Variants in FNBP1L observed in about 807,000 individuals in gnomAD.
The protein encoded by FNBP1L is formin-binding protein 1-like.
In FNBP1L, 36 loss-of-function variants were observed where a neutral mutation model predicts 91.2. The ratio of observed to expected loss-of-function variants is 0.39; its 90% CI spans 0.30 to 0.52. The LOEUF (loss-of-function observed/expected upper bound fraction) is 0.52, where lower values mean the gene tolerates loss of function less well. Among genes scored for constraint, FNBP1L ranks in the 20% least tolerant of loss-of-function variants. The pLI is 0.66. For synonymous variants in FNBP1L, 242 were observed against 237.0 expected, an observed-to-expected ratio of 1.02 and a Z score of -0.19; for missense variants, 571 against 732.1, an observed-to-expected ratio of 0.78 and a Z score of 2.54.
intron 1 of FNBP1L, among the ~76,000 whole-genome samples, chr1:93,479,152 A>C (rs567683672): frequency 6.6e-6 from 1 of 152,354 alleles, no homozygotes; most frequent in East Asian, 1.9e-4. Context: ...GTGACATCAC[A>C]TATCGGTAGG....
chr1:93,536,075 A>G (rs1671838104), intron 9 of FNBP1L, among the ~76,000 whole-genome samples: 1 of 152,100 alleles, frequency 6.6e-6, no homozygotes, highest in Non-Finnish European at 1.5e-5. Context: ...CTTTGACAAT[A>G]TAATTTGTGA....
Position 93,497,153 on chromosome 1 carries a change from G to A in FNBP1L, c.25-2315G>A, listed in dbSNP as rs187522962. Among the ~76,000 whole-genome samples, 293 of 151,986 alleles carry A rather than the reference G, an allele frequency of 1.9e-3. 2 individuals carry two copies. The highest frequency in any genetic ancestry group is 6.8e-3 in the African/African-American group (280 of 41,460). On this transcript the variant is annotated intron_variant, in intron 1 of 16. Transcript: ENST00000271234. Reference sequence around the variant, plus strand: ...TTTTTTTTGTATTTTTAGTACAGACGGGGTTTCACCGTGTTAGCCAGGATG... The same window carrying A: ...TTTTTTTTGTATTTTTAGTACAGACAGGGTTTCACCGTGTTAGCCAGGATG...
intron 12 of FNBP1L, among the ~76,000 whole-genome samples, chr1:93,545,021 C>CT (rs1290290340): frequency 6.6e-6 from 1 of 152,030 alleles, no homozygotes; most frequent in Admixed American, 6.6e-5. Flanking sequence ...GGCACATAAC[C>CT]TTTTTTTATT....
chr1:93,499,024 G>T (rs933302997), intron 1 of FNBP1L, among the ~76,000 whole-genome samples: 8 of 152,274 alleles, frequency 5.3e-5, no homozygotes, highest in East Asian at 1.9e-4. Flanking sequence ...GGCTGTGGGG[G>T]TTCAGAGTTG....
chr1:93,484,272 TAG>T (rs1435115114), intron 1 of FNBP1L, among the ~76,000 whole-genome samples: 3 of 152,166 alleles, frequency 2.0e-5, no homozygotes, highest in Non-Finnish European at 4.4e-5. Context: ...CATCTGTAAA[TAG>T]AGACTGATCT....
intron 1 of FNBP1L, among the ~76,000 whole-genome samples, chr1:93,481,789 AT>A: frequency 6.6e-6 from 1 of 152,316 alleles, no homozygotes; most frequent in East Asian, 1.9e-4. Context: ...TAGATGAGAA[AT>A]TTTTTAAAAA....
intron 1 of FNBP1L, among the ~76,000 whole-genome samples, chr1:93,450,204 A>G (rs1418481293): frequency 6.6e-6 from 1 of 152,206 alleles, no homozygotes; most frequent in African/African-American, 2.4e-5. Context: ...ACCTAAGGAA[A>G]CGATTCCATT....
In FNBP1L at chr1:93,529,681, A is replaced by G; in HGVS notation, c.435A>G (p.Arg145=). Residue 145 remains arginine (R), a synonymous_variant, in exon 6 of 17, where the codon AGA becomes AGG. Transcript: ENST00000271234. ...AAAAGAAGTTTGAAAGAGAATGTAG[A>G]GAGGCAGAAAAGGCACAACAGAGTT... ...NSKKKFEREC[R]EAEKAQQSYE... The G allele has an allele frequency of 6.6e-7, 1 of 1,512,360 alleles. No individual in the cohort carries two copies. Among genetic ancestry groups the G allele is most frequent in the Non-Finnish European group, 8.8e-7 (1 of 1,134,602 alleles). The allele number at this position is 1,512,360 out of a possible 1,614,324, so 93.7% of individuals were successfully genotyped here.
intron 2 of FNBP1L, among the ~76,000 whole-genome samples, chr1:93,507,097 A>ACT (rs1670652388): frequency 9.5e-5 from 8 of 84,172 alleles, no homozygotes; most frequent in Admixed American, 2.4e-4. Flanking sequence ...ACACACACAC[A>ACT]CACACACACA....
At chr1:93,515,586 T>TA (rs1348355890) in intron 2 of FNBP1L, among the ~76,000 whole-genome samples, 1 of 151,946 alleles carries the variant, frequency 6.6e-6, no homozygotes, top group African/African-American at 2.4e-5. Context: ...TATGTAGCCA[T>TA]AAAAAATGAT....
At chr1:93,459,589 G>T (rs552663550) in intron 1 of FNBP1L, among the ~76,000 whole-genome samples, 4 of 152,328 alleles carry the variant, frequency 2.6e-5, no homozygotes, top group African/African-American at 9.6e-5. Context: ...TGGTGAGGAT[G>T]TGAAGAAAAC....
intron 7 of FNBP1L, among the ~76,000 whole-genome samples, chr1:93,532,503 A>G (rs1314148946): frequency 1.4e-5 from 2 of 140,580 alleles, no homozygotes; most frequent in Non-Finnish European, 3.1e-5. Context: ...TCAGTCTTGT[A>G]TATGTTATGG....
intron 3 of FNBP1L, 44 bp from the exon 4 acceptor site, chr1:93,523,300 T>A (rs1185824407): frequency 7.1e-6 from 11 of 1,553,036 alleles, no homozygotes; most frequent in Non-Finnish European, 9.6e-6. Context: ...ACATTTGTAA[T>A]GAAAATAAAA....
chr1:93,464,428 C>T (rs115711614), intron 1 of FNBP1L, among the ~76,000 whole-genome samples: 113 of 152,270 alleles, frequency 7.4e-4, no homozygotes, highest in African/African-American at 2.6e-3. Flanking sequence ...TATCATATGT[C>T]TCTGGAATCC....
In FNBP1L at chr1:93,448,154, T is replaced by C. The variant is rs952479688; in HGVS notation, c.-128T>C. The C allele has an allele frequency of 1.2e-5, 15 of 1,211,402 alleles. No homozygotes were observed. The highest frequency in any genetic ancestry group is 1.6e-5 in the Non-Finnish European group (14 of 878,442). 75.0% of individuals were successfully genotyped at this position (1,211,402 alleles called of 1,614,324 possible). ...TCTCACTCACTGGGGAGCCCGGCGG[T>C]GGCGGCACCTTTCGAGGTAGACCCG... On this transcript the variant is annotated 5_prime_UTR_variant, in exon 1 of 17. Transcript: ENST00000271234.
At chr1:93,473,839 A>G (rs1812668) in intron 1 of FNBP1L, among the ~76,000 whole-genome samples, 72,276 of 152,038 alleles carry the variant, frequency 0.48, 20,654 homozygotes, top group East Asian at 0.62. Context: ...GCTAGTAGTT[A>G]GGCCTTAAGG....
Position 93,530,769 on chromosome 1 carries a change from G to C in FNBP1L, c.525G>C (p.Leu175Phe). ...KADVEKAKQQLNLRTHMADEN... is the reference protein window; with the variant it reads ...KADVEKAKQQFNLRTHMADEN... ...TTTGCCCCTAGGCCAAACAGCAGTT[G>C]AATCTGCGTACGCATATGGCCGATG... is the stretch of plus-strand genomic sequence containing the variant. The change falls in exon 7 of 17, where the codon TTG (leucine) becomes TTC (phenylalanine). Residue 175 changes from leucine (L) to phenylalanine (F), a missense_variant. Physicochemically the swap from Leu to Phe is conservative, Grantham distance 22. Coordinates refer to ENST00000271234, the MANE Select transcript of FNBP1L (RefSeq NM_001164473.3). The C allele has an allele frequency of 1.3e-6, 2 of 1,596,720 alleles. No homozygotes were observed. The highest frequency in any genetic ancestry group is 1.7e-6 in the Non-Finnish European group (2 of 1,171,140).
intron 12 of FNBP1L, among the ~76,000 whole-genome samples, chr1:93,545,516 G>T (rs1024728287): frequency 6.6e-6 from 1 of 152,130 alleles, no homozygotes; most frequent in African/African-American, 2.4e-5. Context: ...AATAATAGAA[G>T]TTGAGGATGA....
intron 1 of FNBP1L, among the ~76,000 whole-genome samples, chr1:93,450,051 G>A (rs1312372192): frequency 6.6e-6 from 1 of 152,118 alleles, no homozygotes; most frequent in East Asian, 1.9e-4. Context: ...GAAAACAGTG[G>A]AGGCATGTTA....
Sources: allele counts gnomAD v4.1 joint callset (sites outside exome capture counted in the v4.1 genomes callset), GRCh38; gene constraint gnomAD v4.1.1; transcripts MANE v1.5; gene names NCBI Gene and HGNC (gene_info 2026-07-23, HGNC 2026-07-21).